The following AKR1C2 variants were observed in gnomAD, a reference collection of about 807,000 sequenced individuals.
AKR1C2 encodes aldo-keto reductase family 1 member C2.
In AKR1C2, 27 loss-of-function variants were observed where a neutral mutation model predicts 39.8. The observed-to-expected ratio is 0.68, with a 90% CI of 0.50 to 0.93. The LOEUF (loss-of-function observed/expected upper bound fraction) is 0.93, where lower values mean the gene tolerates loss of function less well. Ranked by LOEUF, AKR1C2 falls within the 40% of genes least tolerant of loss-of-function variation. The pLI, the probability that AKR1C2 is intolerant of heterozygous loss-of-function variation, is 0.00. For synonymous variants in AKR1C2, 114 were observed against 137.9 expected, an observed-to-expected ratio of 0.83 and a Z score of 1.22; for missense variants, 263 against 365.1, an observed-to-expected ratio of 0.72 and a Z score of 2.28.
rs1554772968 is a variant in AKR1C2 at position 4,995,802 on chromosome 10, C to A, written c.634G>T (p.Val212Phe). Residue 212 changes from valine to phenylalanine, a missense_variant, in exon 6 of 9, where the codon GTT becomes TTT. Around this residue, in one of 3 missense-constraint regions of AKR1C2, gnomAD observed 247 missense variants for 267.9 expected, o/e 0.92. Coordinates refer to ENST00000380753, the MANE Select transcript of AKR1C2 (RefSeq NM_001393392.1). The part of the protein sequence containing the change: ...LLDFCKSKDI[V>F]LVAYSALGSH... ...CCCAGAGCACTATAGGCAACCAGAACAATGTCTTTTGACTTGCAGAAATCC... is the reference window on the plus strand; with the variant it reads ...CCCAGAGCACTATAGGCAACCAGAAAAATGTCTTTTGACTTGCAGAAATCC... The A allele has an allele frequency of 6.2e-7, 1 of 1,612,410 alleles. No individual in the cohort carries two copies. Among genetic ancestry groups the A allele is most frequent in the Non-Finnish European group, 8.5e-7 (1 of 1,179,598 alleles).
At position 4,996,838 on chromosome 10, in the gene AKR1C2, G is replaced by T. The variant is rs1237778736; in HGVS notation, c.571-973C>A. ...GTCAGGTAAGAATAGTTAAACAAGTGGTTAAAATTGTAAATGATTATGTAA... is the reference window on the plus strand; with the variant it reads ...GTCAGGTAAGAATAGTTAAACAAGTTGTTAAAATTGTAAATGATTATGTAA... On this transcript the variant is annotated intron_variant, in intron 5 of 8. Transcript: ENST00000380753. Among the ~76,000 whole-genome samples, 3 of 151,806 alleles carry T rather than the reference G, an allele frequency of 2.0e-5. No individual in the cohort carries two copies. In the East Asian group the frequency reaches 5.8e-4, roughly 29 times the overall value.
rs1360188339 is a variant in AKR1C2, at chr10:4,989,149, C to T, written c.*847G>A. The T allele has an allele frequency of 3.9e-5, 6 of 152,240 alleles. No individual in the cohort carries two copies. The highest frequency in any genetic ancestry group is 1.3e-4 in the Admixed American group (2 of 15,290). 9.4% of individuals were successfully genotyped at this position (152,240 alleles called of 1,614,324 possible). On this transcript the variant is annotated 3_prime_UTR_variant, in exon 9 of 9. Coordinates refer to ENST00000380753, the MANE Select transcript of AKR1C2 (RefSeq NM_001393392.1). Reference sequence around the variant, plus strand: ...TCTAAGAATATTTTCTAAATATGAGCTATTCAGGGGAATGTGATGAGTCAA... The same window carrying T: ...TCTAAGAATATTTTCTAAATATGAGTTATTCAGGGGAATGTGATGAGTCAA...
Position 4,995,850 on chromosome 10 carries a change from A to G in AKR1C2, c.586T>C (p.Tyr196His), listed in dbSNP as rs1554772981. 6.2e-7 allele frequency: 1 copy of G among 1,612,180 alleles called. No homozygotes were observed. The highest frequency in any genetic ancestry group is 1.3e-5 in the African/African-American group (1 of 74,690). The change falls in exon 6 of 9, where the codon TAC becomes CAC. Residue 196 changes from tyrosine to histidine, a missense_variant. Tyr to His is a moderately conservative substitution (Grantham distance 83, BLOSUM62 2). This residue lies in a region of AKR1C2 where 247 missense variants were observed against 267.9 expected (regional missense o/e 0.92). Coordinates refer to ENST00000380753, the MANE Select transcript of AKR1C2 (RefSeq NM_001393392.1). ...PVCNQVECHP[Y>H]FNQRKLLDFC... ...TCCAGCAGTTTTCTCTGGTTGAAGT[A>G]AGGATGACATTCCACCTGCAGACGA...
At position 4,998,619 on chromosome 10, in the gene AKR1C2, G is replaced by C; in HGVS notation, c.570+6C>G. ...ACAGAAAGGAGAGGAGGCTGAGGGC[G>C]CTCACCTGGTTGCAGACAGGCTTGT... is the stretch of plus-strand genomic sequence containing the variant. On this transcript the variant is annotated splice_donor_region_variant and intron_variant, in intron 5 of 8. Coordinates refer to ENST00000380753, the MANE Select transcript of AKR1C2 (RefSeq NM_001393392.1). 6.2e-7 allele frequency: 1 copy of C among 1,613,966 alleles called. No homozygotes were observed. The highest frequency in any genetic ancestry group is 1.1e-5 in the South Asian group (1 of 91,056).
upstream of AKR1C2, among the ~76,000 whole-genome samples, chr10:5,008,928 T>C (rs1837463296): frequency 6.6e-6 from 1 of 152,212 alleles, no homozygotes; most frequent in South Asian, 2.1e-4. Context: ...AGGTTCTATG[T>C]GAACAAAAAG....
intron 4 of AKR1C2, among the ~76,000 whole-genome samples, 200 bp downstream of exon 4, chr10:4,999,000 T>G (rs1360923048): frequency 1.3e-5 from 2 of 152,194 alleles, no homozygotes; most frequent in African/African-American, 4.8e-5. Context: ...CCAGTCCTCC[T>G]TACCCCCAAT....
At chr10:4,990,945 C>T (rs1234553684) in intron 8 of AKR1C2, among the ~76,000 whole-genome samples, 1 of 151,234 alleles carries the variant, frequency 6.6e-6, no homozygotes, top group Non-Finnish European at 1.5e-5. Flanking sequence ...ATTTTGGGTA[C>T]TTATGATGTA....
upstream of AKR1C2, chr10:5,004,737 T>G (rs1433261970): frequency 6.8e-6 from 1 of 146,324 alleles, no homozygotes; most frequent in African/African-American, 2.5e-5. Flanking sequence ...TTTTACTTTA[T>G]TCTCCCTTTG....
intron 1 of AKR1C2, among the ~76,000 whole-genome samples, chr10:5,010,884 A>G (rs1351710431): frequency 6.6e-6 from 1 of 152,226 alleles, no homozygotes; most frequent in Non-Finnish European, 1.5e-5. Flanking sequence ...ACCTGAGACT[A>G]TCAAGTGCTA....
At position 5,014,691 on chromosome 10, in the gene AKR1C2, G is replaced by A. The variant is rs143412589; in HGVS notation, c.-88+3209C>T. Among the ~76,000 whole-genome samples the A allele has an allele frequency of 5.3e-5, 8 of 152,280 alleles. 1 individual carries two copies. The East Asian group carries it at 9.7e-4, about 18-fold the overall frequency. ...GCCTGGCTGTGCAGTCAGTGAAAGC[G>A]TTCCCTCTAGCTAGATTGGAATTCC... On this transcript the variant is annotated intron_variant, in intron 1 of 6. Coordinates refer to the AKR1C2 transcript ENST00000604507.
rs1836745012 is a variant in AKR1C2 at position 4,988,829 on chromosome 10, T to A, written c.*1167A>T. The A allele has an allele frequency of 1.3e-5, 2 of 151,424 alleles. No homozygotes were observed. The highest frequency in any genetic ancestry group is 1.3e-4 in the Admixed American group (2 of 15,202). 9.4% of individuals were successfully genotyped at this position (151,424 alleles called of 1,614,324 possible). ...CGAAAATCATGTCTTCATGATTAGC[T>A]GATTTGATTAGTTCCCCTGAAAATT... On this transcript the variant is annotated 3_prime_UTR_variant, in exon 9 of 9. Transcript: ENST00000380753.
chr10:4,992,832 C>T (rs1554772401), intron 7 of AKR1C2, among the ~76,000 whole-genome samples: 1 of 152,112 alleles, frequency 6.6e-6, no homozygotes, highest in Admixed American at 6.5e-5. Flanking sequence ...CGCCAGCAGT[C>T]CCAGCTACTC....
At position 5,013,839 on chromosome 10, in the gene AKR1C2, T is replaced by C. The variant is rs568879478; in HGVS notation, c.-88+4061A>G. 4.6e-5 allele frequency among the ~76,000 whole-genome samples: 7 copies of C among 152,332 alleles called. No homozygotes were observed. In the East Asian group the frequency reaches 1.3e-3, roughly 29 times the overall value. ...TTTTAATCATCCCAACCTAAAACTC[T>C]GCTCATTAAACAACAACTTCCCATT... On this transcript the variant is annotated intron_variant, in intron 1 of 6. Coordinates refer to the AKR1C2 transcript ENST00000604507.
chr10:4,993,504 A>T (rs1836912352), intron 7 of AKR1C2, among the ~76,000 whole-genome samples: 1 of 152,280 alleles, frequency 6.6e-6, no homozygotes, highest in Non-Finnish European at 1.5e-5. Flanking sequence ...GAATTAACCA[A>T]ATTTATAAGG....
rs1355474755 is a variant in AKR1C2 at position 4,998,653 on chromosome 10, C to G, written c.542G>C (p.Gly181Ala). 6.2e-6 allele frequency: 10 copies of G among 1,614,108 alleles called. 1 individual carries two copies. Among genetic ancestry groups the G allele is most frequent in the Middle Eastern group, 1.6e-4 (1 of 6,062 alleles). ...GTTGCAGACAGGCTTGTACTTGAGCCCTGGCTTGTTGAGGATCATCTCCAG... is the reference window on the plus strand; with the variant it reads ...GTTGCAGACAGGCTTGTACTTGAGCGCTGGCTTGTTGAGGATCATCTCCAG... ...RLLEMILNKP[G>A]LKYKPVCNQV... The change falls in exon 5 of 9, where the codon GGG (glycine) becomes GCG (alanine). Residue 181 changes from glycine (G) to alanine (A), a missense_variant. Physicochemically the swap from Gly to Ala is moderately conservative, Grantham distance 60. Transcript: ENST00000380753.
chr10:4,990,193 G>C (rs1443983127), intron 8 of AKR1C2, among the ~76,000 whole-genome samples, 155 bp from the exon 9 acceptor site: 2 of 152,118 alleles, frequency 1.3e-5, no homozygotes, highest in Non-Finnish European at 1.5e-5. Context: ...TAATGAACGT[G>C]ACTTTATCAT....
At chr10:5,002,814 T>A (rs556639496) in intron 1 of AKR1C2, among the ~76,000 whole-genome samples, 9 of 152,196 alleles carry the variant, frequency 5.9e-5, no homozygotes, top group Non-Finnish European at 1.3e-4. Context: ...GTGCAAGCAA[T>A]CAAAGGCTTA....
At chr10:5,010,825 A>C (rs1403993947) in intron 1 of AKR1C2, among the ~76,000 whole-genome samples, 1 of 152,226 alleles carries the variant, frequency 6.6e-6, no homozygotes, top group Non-Finnish European at 1.5e-5. Flanking sequence ...ATAGCTTTGC[A>C]AGCTTTTAAA....
In AKR1C2 at chr10:4,988,026, G is replaced by A. The variant is rs1225878010; in HGVS notation, c.*1970C>T. The A allele has an allele frequency of 4.6e-5, 7 of 151,538 alleles. No homozygotes were observed. Among genetic ancestry groups the A allele is most frequent in the African/African-American group, 1.7e-4 (7 of 41,202 alleles). 9.4% of individuals were successfully genotyped at this position (151,538 alleles called of 1,614,324 possible). The stretch of plus-strand genomic sequence containing the variant: ...AGTAACTTTTTTTTTTTAACAATAA[G>A]AGTTTTATAAAAATGGATGGTGAAG... On this transcript the variant is annotated 3_prime_UTR_variant, in exon 9 of 9. Transcript: ENST00000380753.
Sources: allele counts gnomAD v4.1 joint callset (sites outside exome capture counted in the v4.1 genomes callset), GRCh38; gene constraint gnomAD v4.1.1; regional missense constraint gnomAD v4.1.1; transcripts MANE v1.5; gene names NCBI Gene and HGNC (gene_info 2026-07-23, HGNC 2026-07-21).